The following ELMOD1 variants were observed in gnomAD, a reference collection of about 807,000 sequenced individuals.
ELMOD1 encodes the protein ELMO domain containing 1.
A neutral mutation model predicts 46.7 loss-of-function variants in ELMOD1; 21 were observed. The ratio of observed to expected loss-of-function variants is 0.45; its 90% CI spans 0.32 to 0.65. ELMOD1 has a LOEUF of 0.65. Ranked by LOEUF, ELMOD1 falls within the 30% of genes least tolerant of loss-of-function variation. The probability of loss-of-function intolerance (pLI) is 0.04; values close to 1 mark genes in which losing one functional copy is unlikely to be tolerated. For missense variants in ELMOD1, 348 were observed against 407.8 expected, an observed-to-expected ratio of 0.85 and a Z score of 1.26; for synonymous variants, 122 against 138.2, an observed-to-expected ratio of 0.88 and a Z score of 0.82.
At chr11:107,604,108 C>G (rs1865649301) in intron 1 of ELMOD1, among the ~76,000 whole-genome samples, 1 of 152,086 alleles carries the variant, frequency 6.6e-6, no homozygotes. Context: ...ACTCACCCAC[C>G]CTTTGTGTCG....
chr11:107,606,228 T>A (rs1006482851), intron 1 of ELMOD1, among the ~76,000 whole-genome samples: 2 of 152,220 alleles, frequency 1.3e-5, no homozygotes, highest in African/African-American at 4.8e-5. Context: ...TTAGCCATTA[T>A]CTCAATTTGC....
intron 1 of ELMOD1, among the ~76,000 whole-genome samples, chr11:107,601,730 T>G (rs1865602732): frequency 6.6e-6 from 1 of 152,124 alleles, no homozygotes; most frequent in African/African-American, 2.4e-5. Flanking sequence ...AATCTTATTT[T>G]CTATTAATTT....
rs112172868 is a variant in ELMOD1 at position 107,644,292 on chromosome 11, T to C, written c.421-3176T>C. Among the ~76,000 whole-genome samples, 771 of 149,222 alleles carry C rather than the reference T, an allele frequency of 5.2e-3. 8 individuals are homozygous for C. Among genetic ancestry groups the C allele is most frequent in the African/African-American group, 0.018 (744 of 40,536 alleles). On this transcript the variant is annotated intron_variant, in intron 6 of 11. Coordinates refer to ENST00000265840, the MANE Select transcript of ELMOD1 (RefSeq NM_018712.4). ...GCCTGGGCGGCAGAGTGAGACCCTG[T>C]CTCCAAAGAAAAAAAAAAAAAGCAT...
intron 6 of ELMOD1, among the ~76,000 whole-genome samples, chr11:107,640,276 C>T (rs546239352): frequency 3.0e-4 from 45 of 152,286 alleles, no homozygotes; most frequent in African/African-American, 8.9e-4. Context: ...TTATTTGCTA[C>T]GTATAGTTAT....
intron 10 of ELMOD1, among the ~76,000 whole-genome samples, chr11:107,655,260 A>T (rs1866606847): frequency 6.6e-6 from 1 of 152,172 alleles, no homozygotes; most frequent in African/African-American, 2.4e-5. Flanking sequence ...ATATTATATG[A>T]GATTACCATA....
At chr11:107,602,381 A>G (rs1279412129) in intron 1 of ELMOD1, among the ~76,000 whole-genome samples, 2 of 152,044 alleles carry the variant, frequency 1.3e-5, no homozygotes, top group East Asian at 3.9e-4. Context: ...GCTCTTGGAG[A>G]GTTTCCTGTA....
At chr11:107,641,772 T>A (rs182462547) in intron 6 of ELMOD1, among the ~76,000 whole-genome samples, 1 of 152,300 alleles carries the variant, frequency 6.6e-6, no homozygotes, top group East Asian at 1.9e-4. Context: ...ATATTTAGAT[T>A]ATACATAATC....
chr11:107,618,712 G>T (rs559215717), intron 2 of ELMOD1, among the ~76,000 whole-genome samples: 1 of 152,124 alleles, frequency 6.6e-6, no homozygotes, highest in Non-Finnish European at 1.5e-5. Context: ...TCTGAAATTT[G>T]TATCAATTGT....
rs142863195 is a variant in ELMOD1, at chr11:107,642,852, A to G, written c.421-4616A>G. ...ATACCGTACATAATTAATGTTAATC[A>G]TGTGATCGTTATATTTTTCTTTGTG... On this transcript the variant is annotated intron_variant, in intron 6 of 11. Transcript: ENST00000265840. 2.3e-4 allele frequency: 61 copies of G among 269,794 alleles called. No homozygotes were observed. The East Asian group carries it at 2.6e-3, about 11-fold the overall frequency. 16.7% of individuals were successfully genotyped at this position (269,794 alleles called of 1,614,324 possible).
chr11:107,659,703 A>G (rs150460192), intron 11 of ELMOD1, among the ~76,000 whole-genome samples: 1 of 148,692 alleles, frequency 6.7e-6, no homozygotes, highest in African/African-American at 2.6e-5. Context: ...GGATGGATGG[A>G]TGGATGGCTA....
At position 107,650,350 on chromosome 11, in the gene ELMOD1, G is replaced by A; in HGVS notation, c.570G>A (p.Arg190=). 6.3e-7 allele frequency: 1 copy of A among 1,589,386 alleles called. No individual in the cohort carries two copies. The highest frequency in any genetic ancestry group is 8.6e-7 in the Non-Finnish European group (1 of 1,166,790). Residue 190 remains arginine (R), a synonymous_variant, in exon 8 of 12, where the codon AGG becomes AGA. Transcript: ENST00000265840. Reference sequence around the variant, plus strand: ...CCCGCTGCAGGTATTTCGCGGAAAGGGATGCCACAGCAGCTCAGCAGGTCC... The same window carrying A: ...CCCGCTGCAGGTATTTCGCGGAAAGAGATGCCACAGCAGCTCAGCAGGTCC... ...GLYNLQYFAE[R]DATAAQQVLS...
intron 2 of ELMOD1, chr11:107,623,744 T>C (rs1193780621): frequency 6.6e-6 from 1 of 152,066 alleles, no homozygotes. Flanking sequence ...CTTGCTAGAC[T>C]ACAAGCTCCT....
intron 2 of ELMOD1, chr11:107,619,934 TA>T (rs1865919846): frequency 6.6e-6 from 1 of 152,220 alleles, no homozygotes; most frequent in South Asian, 2.1e-4. Flanking sequence ...TAACAGATTG[TA>T]CATTAAAACA....
chr11:107,614,661 A>G (rs1323361204), intron 1 of ELMOD1, among the ~76,000 whole-genome samples: 2 of 152,054 alleles, frequency 1.3e-5, no homozygotes, highest in Admixed American at 1.3e-4. Flanking sequence ...TAAACTAGAG[A>G]TCTGATCATG....
rs569740100 is a variant in ELMOD1 at position 107,608,583 on chromosome 11, A to G, written c.-85-9522A>G. ...GTGGGGGATATTTTTACTTTTAGTT[A>G]TTTCAGAATTATACTGCCAACAGTT... is the stretch of plus-strand genomic sequence containing the variant. On this transcript the variant is annotated intron_variant, in intron 1 of 11. Transcript: ENST00000265840. 1.4e-3 allele frequency among the ~76,000 whole-genome samples: 209 copies of G among 152,230 alleles called. 2 individuals are homozygous for G. The highest frequency in any genetic ancestry group is 0.013 in the South Asian group (63 of 4,830).
intron 6 of ELMOD1, among the ~76,000 whole-genome samples, chr11:107,646,926 T>C (rs1866436591): frequency 6.6e-6 from 1 of 150,970 alleles, no homozygotes; most frequent in South Asian, 2.1e-4. Context: ...AGCTTTTTTG[T>C]GGGAGATTAT....
intron 1 of ELMOD1, among the ~76,000 whole-genome samples, chr11:107,595,153 G>GT (rs11358593): frequency 0.019 from 2,715 of 145,630 alleles, 54 homozygotes; most frequent in African/African-American, 0.051. Context: ...CAATAAATCT[G>GT]TTTTTTTTTT....
chr11:107,595,133 G>A (rs1276299446), intron 1 of ELMOD1, among the ~76,000 whole-genome samples: 1 of 145,388 alleles, frequency 6.9e-6, no homozygotes, highest in Non-Finnish European at 1.5e-5. Context: ...GTTCTAGATT[G>A]CCCTTCTGTC....
chr11:107,597,045 A>T (rs1215081166), intron 1 of ELMOD1, among the ~76,000 whole-genome samples: 4 of 152,190 alleles, frequency 2.6e-5, no homozygotes, highest in Admixed American at 6.5e-5. Flanking sequence ...CATCCAAAGA[A>T]TGTTCATAGG....
Sources: allele counts gnomAD v4.1 joint callset (sites outside exome capture counted in the v4.1 genomes callset), GRCh38; gene constraint gnomAD v4.1.1; transcripts MANE v1.5; gene names NCBI Gene and HGNC (gene_info 2026-07-23, HGNC 2026-07-21).